Variants in BANK1 observed in about 807,000 individuals in gnomAD.
BANK1 encodes B-cell scaffold protein with ankyrin repeats.
Under a neutral mutation model 94.5 loss-of-function variants are expected in BANK1, and 95 were observed. The observed-to-expected ratio is 1.00, with a 90% CI of 0.85 to 1.19. The LOEUF is 1.19. BANK1 is among the 50% of genes most tolerant of loss of function. The pLI is 0.00. For synonymous variants in BANK1, 334 were observed against 308.4 expected, an observed-to-expected ratio of 1.08 and a Z score of -0.87; for missense variants, 987 against 932.2, an observed-to-expected ratio of 1.06 and a Z score of -0.77.
chr4:101,891,937 C>CT (rs990760708), intron 5 of BANK1, among the ~76,000 whole-genome samples: 3 of 151,946 alleles, frequency 2.0e-5, no homozygotes, highest in South Asian at 2.1e-4. Context: ...TGCTGAACTA[C>CT]TTTTTTTACC....
chr4:102,044,190 C>A (rs1202004175), intron 11 of BANK1, among the ~76,000 whole-genome samples: 3 of 152,092 alleles, frequency 2.0e-5, no homozygotes, highest in Non-Finnish European at 4.4e-5. Flanking sequence ...ACTCCCCTCA[C>A]CCCACAACAG....
At chr4:102,055,084 A>C (rs1463775562) in intron 11 of BANK1, among the ~76,000 whole-genome samples, 2 of 152,112 alleles carry the variant, frequency 1.3e-5, no homozygotes, top group East Asian at 3.8e-4. Context: ...AAATTATGTC[A>C]AGTGATAAAT....
intron 6 of BANK1, among the ~76,000 whole-genome samples, chr4:101,905,803 A>G (rs1182456454): frequency 6.6e-6 from 1 of 152,200 alleles, no homozygotes; most frequent in African/African-American, 2.4e-5. Context: ...TCAAAAGCTC[A>G]TAACTGCAGC....
At chr4:101,887,227 C>A (rs964759054) in intron 5 of BANK1, among the ~76,000 whole-genome samples, 10 of 152,162 alleles carry the variant, frequency 6.6e-5, no homozygotes, top group Non-Finnish European at 1.3e-4. Context: ...ATGCCTAAAT[C>A]CAGGGTTTCT....
At chr4:101,944,479 T>G (rs1420656974) in intron 7 of BANK1, among the ~76,000 whole-genome samples, 3 of 151,922 alleles carry the variant, frequency 2.0e-5, no homozygotes, top group Non-Finnish European at 4.4e-5. Context: ...AGCTTAAACA[T>G]CACTTTCTCT....
chr4:101,994,254 G>C (rs1198555524), intron 7 of BANK1, among the ~76,000 whole-genome samples: 2 of 152,134 alleles, frequency 1.3e-5, no homozygotes, highest in Non-Finnish European at 2.9e-5. Context: ...TCTTCAGTTT[G>C]CAGTGTACAG....
intron 10 of BANK1, 44 bp from the exon 11 acceptor site, chr4:102,043,795 G>A (rs374474223): frequency 1.5e-6 from 2 of 1,332,298 alleles, no homozygotes; most frequent in South Asian, 2.8e-5. Flanking sequence ...TGGATTTTTT[G>A]AACGTTTATG....
chr4:101,889,049 G>T (rs1473314247), intron 5 of BANK1, among the ~76,000 whole-genome samples: 1 of 152,124 alleles, frequency 6.6e-6, no homozygotes, highest in Non-Finnish European at 1.5e-5. Flanking sequence ...TATTTGGGGG[G>T]ATCGTTAGTA....
intron 7 of BANK1, among the ~76,000 whole-genome samples, chr4:102,007,124 ATATATATATAAAAAATATATTT>A (rs1726313333): frequency 1.0e-4 from 2 of 19,822 alleles, no homozygotes; most frequent in East Asian, 1.9e-3. Context: ...TATATATTTT[ATATATATATAAAAAATATATTT>A]TATATATATA....
chr4:101,790,944 C>T lies in BANK1; in HGVS notation c.64C>T (p.Pro22Ser). 1 of 1,519,612 alleles carries T rather than the reference C, an allele frequency of 6.6e-7. No individual in the cohort carries two copies. Among genetic ancestry groups the T allele is most frequent in the East Asian group, 2.5e-5 (1 of 40,544 alleles). 94.1% of individuals were successfully genotyped at this position (1,519,612 alleles called of 1,614,324 possible). The stretch of plus-strand genomic sequence containing the variant: ...GGACCCCGCCCCCTGCGGCCCAGCG[C>T]CCCCAGGTGGGTAGTCGCGCATTCG... The part of the protein sequence containing the change: ...SPDPAPCGPA[P>S]PGNTKDIIMI... The change falls in exon 1 of 17, where the codon CCC (proline) becomes TCC (serine). Residue 22 changes from proline to serine, a missense_variant. Physicochemically the swap from Pro to Ser is moderately conservative, Grantham distance 74. Transcript: ENST00000322953.
chr4:102,031,138 G>C (rs575694693), intron 10 of BANK1, among the ~76,000 whole-genome samples: 1 of 152,134 alleles, frequency 6.6e-6, no homozygotes, highest in Non-Finnish European at 1.5e-5. Context: ...CATTCTAACT[G>C]GTGTGAGATG....
intron 6 of BANK1, among the ~76,000 whole-genome samples, chr4:101,915,796 G>A (rs187276373): frequency 3.5e-4 from 53 of 152,126 alleles, no homozygotes; most frequent in African/African-American, 1.2e-3. Flanking sequence ...GGTTTTAGAA[G>A]CATGATAACC....
intron 7 of BANK1, among the ~76,000 whole-genome samples, chr4:101,994,048 C>T (rs1366750770): frequency 6.6e-6 from 1 of 152,234 alleles, no homozygotes; most frequent in African/African-American, 2.4e-5. Flanking sequence ...CACCTCATCG[C>T]ACTGGGCTTC....
intron 2 of BANK1, among the ~76,000 whole-genome samples, chr4:101,833,001 C>T (rs559287786): frequency 8.7e-5 from 13 of 149,060 alleles, no homozygotes; most frequent in East Asian, 4.0e-4. Flanking sequence ...TTTTTTGAGA[C>T]GGAGTTTTGC....
chr4:101,927,828 A>C (rs1023710496), intron 7 of BANK1, among the ~76,000 whole-genome samples: 1 of 151,640 alleles, frequency 6.6e-6, no homozygotes, highest in Non-Finnish European at 1.5e-5. Flanking sequence ...AATGCCTACT[A>C]TGTTCCAAAG....
intron 6 of BANK1, among the ~76,000 whole-genome samples, chr4:101,910,225 A>G (rs1224510016): frequency 1.3e-5 from 2 of 152,208 alleles, no homozygotes; most frequent in South Asian, 2.1e-4. Context: ...ATTTCTCACA[A>G]ATTTTTATAT....
At chr4:101,809,018 A>C (rs1003824837) in intron 1 of BANK1, among the ~76,000 whole-genome samples, 5 of 152,190 alleles carry the variant, frequency 3.3e-5, no homozygotes, top group African/African-American at 1.2e-4. Flanking sequence ...AAGGAAAAGA[A>C]GTCATTATAT....
chr4:101,828,983 C>T (rs565525694), intron 1 of BANK1, among the ~76,000 whole-genome samples: 198 of 152,146 alleles, frequency 1.3e-3, no homozygotes, highest in African/African-American at 4.5e-3. Flanking sequence ...CTGACTCAGC[C>T]TCCCAAGTGC....
At chr4:101,963,532 T>C (rs1014187570) in intron 7 of BANK1, among the ~76,000 whole-genome samples, 3 of 152,254 alleles carry the variant, frequency 2.0e-5, no homozygotes, top group Admixed American at 1.3e-4. Context: ...TCTAACTGGG[T>C]ATTAGTAGCC....
Sources: gnomAD v4.1 joint callset for allele counts (sites outside exome capture counted in the v4.1 genomes callset) on GRCh38, gnomAD v4.1.1 for gene constraint, MANE v1.5 for transcripts, NCBI Gene and HGNC (gene_info 2026-07-23, HGNC 2026-07-21) for gene names.